The following TMEM144 variants were observed in gnomAD, a reference collection of about 807,000 sequenced individuals.
The protein encoded by TMEM144 is transmembrane protein 144.
Under a neutral mutation model 43.6 loss-of-function variants are expected in TMEM144, and 39 were observed. The observed-to-expected ratio is 0.90, with a 90% CI of 0.69 to 1.17. The LOEUF is 1.17. TMEM144 is among the 50% of genes most tolerant of loss of function. TMEM144 has a pLI of 0.00. For missense variants in TMEM144, 417 were observed against 411.9 expected (o/e 1.01, Z -0.11); for synonymous variants, 154 against 133.6 (o/e 1.15, Z -1.06).
rs185667756 is a variant in TMEM144 at position 158,222,143 on chromosome 4, C to T, written c.413+2753C>T. Among the ~76,000 whole-genome samples, 4 of 152,324 alleles carry T rather than the reference C, an allele frequency of 2.6e-5. No homozygotes were observed. The East Asian group carries it at 7.7e-4, about 29-fold the overall frequency. ...TCCCTCGTCCCATCCTACCTACCCACTTGTATACATGTGATTGTAAAAAAT... is the reference window on the plus strand; with the variant it reads ...TCCCTCGTCCCATCCTACCTACCCATTTGTATACATGTGATTGTAAAAAAT... On this transcript the variant is annotated intron_variant, in intron 6 of 12. Coordinates refer to ENST00000296529, the MANE Select transcript of TMEM144 (RefSeq NM_018342.5).
chr4:158,249,768 T>C (rs925781636), intron 12 of TMEM144, among the ~76,000 whole-genome samples: 1 of 152,184 alleles, frequency 6.6e-6, no homozygotes, highest in East Asian at 1.9e-4. Context: ...AGTGTATTTG[T>C]TGTTTGAACA....
At chr4:158,235,390 A>C in intron 7 of TMEM144, 48 bp from the exon 8 acceptor site, 4 of 1,575,304 alleles carry the variant, frequency 2.5e-6, no homozygotes, top group Non-Finnish European at 3.5e-6. Context: ...CAGTGTGATT[A>C]TCAATTGAAT....
At chr4:158,227,708 G>A (rs759622089) in intron 6 of TMEM144, among the ~76,000 whole-genome samples, 1 of 152,030 alleles carries the variant, frequency 6.6e-6, no homozygotes, top group Non-Finnish European at 1.5e-5. Context: ...GTAACCAAAC[G>A]TCTATGTACA....
intron 6 of TMEM144, among the ~76,000 whole-genome samples, chr4:158,223,748 C>A (rs926905696): frequency 6.6e-6 from 1 of 152,196 alleles, no homozygotes; most frequent in Non-Finnish European, 1.5e-5. Flanking sequence ...GACCTCATTC[C>A]TCTTTATGGC....
chr4:158,213,859 C>G (rs1734084208), intron 3 of TMEM144: 1 of 152,164 alleles, frequency 6.6e-6, no homozygotes, highest in South Asian at 2.1e-4. Flanking sequence ...AGAATGGGAA[C>G]TACCCGAAGA....
chr4:158,239,223 G>A (rs900866921), intron 9 of TMEM144, among the ~76,000 whole-genome samples: 10 of 152,124 alleles, frequency 6.6e-5, no homozygotes, highest in Non-Finnish European at 1.2e-4. Context: ...TCCAGAAATA[G>A]GATTTAAGAC....
At chr4:158,231,133 A>G (rs1735059514) in intron 6 of TMEM144, among the ~76,000 whole-genome samples, 1 of 152,144 alleles carries the variant, frequency 6.6e-6, no homozygotes, top group Non-Finnish European at 1.5e-5. Flanking sequence ...TGATCTAGAC[A>G]AGGTAGGTCA....
intron 11 of TMEM144, among the ~76,000 whole-genome samples, chr4:158,242,190 T>C (rs1735666859): frequency 6.6e-6 from 1 of 152,214 alleles, no homozygotes. Flanking sequence ...CTTGAAAAAC[T>C]GTAATGGAAG....
rs1257873812 is a variant in TMEM144 at position 158,219,317 on chromosome 4, T to C, written c.340T>C (p.Trp114Arg). The change falls in exon 6 of 13, where the codon TGG (tryptophan) becomes CGG (arginine). Residue 114 changes from tryptophan to arginine, a missense_variant. Physicochemically the swap from Trp to Arg is moderately radical, Grantham distance 101. Coordinates refer to ENST00000296529, the MANE Select transcript of TMEM144 (RefSeq NM_018342.5). ...GACTTTCTGGATTTTCAGGTTTGGC[T>C]GGTTTGGATTGGATGCAGAAGAAGT... ...LTGWASSRFG[W>R]FGLDAEEVSN... 1 of 1,613,848 alleles carries C rather than the reference T, an allele frequency of 6.2e-7. No individual in the cohort carries two copies. Among genetic ancestry groups the C allele is most frequent in the African/African-American group, 1.3e-5 (1 of 75,004 alleles).
chr4:158,243,280 A>C (rs1178632143), intron 11 of TMEM144, among the ~76,000 whole-genome samples: 1 of 152,202 alleles, frequency 6.6e-6, no homozygotes, highest in Admixed American at 6.5e-5. Flanking sequence ...GATAAAAGGC[A>C]GTTCCTTTGA....
At position 158,247,538 on chromosome 4, in the gene TMEM144, C is replaced by T. The variant is rs1735951127; in HGVS notation, c.954+3189C>T. 2.0e-5 allele frequency among the ~76,000 whole-genome samples: 3 copies of T among 151,794 alleles called. No individual in the cohort carries two copies. The South Asian group carries it at 6.2e-4, about 32-fold the overall frequency. On this transcript the variant is annotated intron_variant, in intron 12 of 12. Transcript: ENST00000296529. ...TGAAAAATTTAACATCCAATAAGAT[C>T]ATTTAGTAAGGCTTGAGATATAAAA...
Position 158,240,419 on chromosome 4 carries a change from G to T in TMEM144, c.802+1G>T. ...CTATATCCTGAAGCAGTCCTACCAG[G>T]TAAGAATATGTACTACAGATCTTCT... On this transcript the variant is annotated splice_donor_variant, in intron 10 of 12. Coordinates refer to ENST00000296529, the MANE Select transcript of TMEM144 (RefSeq NM_018342.5). LOFTEE classifies it high-confidence loss of function. 16 of 1,603,418 alleles carry T rather than the reference G, an allele frequency of 1.0e-5. No individual in the cohort carries two copies. The highest frequency in any genetic ancestry group is 1.4e-5 in the Non-Finnish European group (16 of 1,176,578).
intron 12 of TMEM144, among the ~76,000 whole-genome samples, 188 bp downstream of exon 12, chr4:158,244,537 GGT>G: frequency 6.6e-6 from 1 of 152,068 alleles, no homozygotes; most frequent in Non-Finnish European, 1.5e-5. Flanking sequence ...TGGGTGTGGT[GGT>G]GTGCACCTGT....
In TMEM144 at chr4:158,229,918, C is replaced by T. The variant is rs531981332; in HGVS notation, c.414-2983C>T. Among the ~76,000 whole-genome samples the T allele has an allele frequency of 4.6e-5, 7 of 151,670 alleles. No homozygotes were observed. The East Asian group carries it at 5.9e-4, about 13-fold the overall frequency. On this transcript the variant is annotated intron_variant, in intron 6 of 12. Transcript: ENST00000296529. Reference sequence around the variant, plus strand: ...CCCTTCCCTCACCCAGGGAGCTTAGCGTGTTAGATGGTAATGAGTCCCAGT... The same window carrying T: ...CCCTTCCCTCACCCAGGGAGCTTAGTGTGTTAGATGGTAATGAGTCCCAGT...
chr4:158,226,148 T>C (rs1734756221), intron 6 of TMEM144, among the ~76,000 whole-genome samples: 2 of 152,268 alleles, frequency 1.3e-5, no homozygotes, highest in South Asian at 4.1e-4. Context: ...TAAAGTTTGT[T>C]TTAAGTCTTT....
chr4:158,242,881 A>C (rs1735697647), intron 11 of TMEM144, among the ~76,000 whole-genome samples: 1 of 152,206 alleles, frequency 6.6e-6, no homozygotes, highest in Non-Finnish European at 1.5e-5. Flanking sequence ...TCTCCTATGA[A>C]GATGTCCTTC....
At chr4:158,234,915 T>C (rs974379883) in intron 7 of TMEM144, 1 of 152,890 alleles carries the variant, frequency 6.5e-6, no homozygotes, top group African/African-American at 2.4e-5. Flanking sequence ...CCACAGAAAG[T>C]GAAAGTACAG....
chr4:158,215,194 T>C lies in TMEM144; in HGVS notation c.113T>C (p.Met38Thr). 1.2e-6 allele frequency: 2 copies of C among 1,613,746 alleles called. No individual in the cohort carries two copies. Among genetic ancestry groups the C allele is most frequent in the East Asian group, 2.2e-5 (1 of 44,862 alleles). The change falls in exon 4 of 13, where the codon ATG becomes ACG. Residue 38 changes from methionine (M) to threonine (T), a missense_variant. Transcript: ENST00000296529. Reference sequence around the variant, plus strand: ...CACTGAGTTTGTTTATTTCTAGGAATGTTTCTCCAGTGGGTTCTTTGTGCT... The same window carrying C: ...CACTGAGTTTGTTTATTTCTAGGAACGTTTCTCCAGTGGGTTCTTTGTGCT... Reference protein sequence around the residue: ...PLKKFDTGDGMFLQWVLCAAI... With the variant: ...PLKKFDTGDGTFLQWVLCAAI...
At position 158,241,607 on chromosome 4, in the gene TMEM144, G is replaced by A. The variant is rs148238920; in HGVS notation, c.900+1G>A. ...GGTCAGTTTTCCAATAATCACTGCT[G>A]TAAGTAGCTGAACTGGTTTTCCTAA... On this transcript the variant is annotated splice_donor_variant, in intron 11 of 12. Transcript: ENST00000296529. LOFTEE classifies it high-confidence loss of function. The A allele has an allele frequency of 1.7e-4, 278 of 1,612,598 alleles. No homozygotes were observed. Among genetic ancestry groups the A allele is most frequent in the South Asian group, 7.5e-4 (68 of 90,976 alleles).
Sources: allele counts gnomAD v4.1 joint callset (sites outside exome capture counted in the v4.1 genomes callset), GRCh38; gene constraint gnomAD v4.1.1; transcripts MANE v1.5; gene names NCBI Gene and HGNC (gene_info 2026-07-23, HGNC 2026-07-21).